Variants in KAT5 observed in about 807,000 individuals in gnomAD.
The protein encoded by KAT5 is histone acetyltransferase KAT5.
A neutral mutation model predicts 68.1 loss-of-function variants in KAT5; 31 were observed. The ratio of observed to expected loss-of-function variants is 0.46; its 90% CI spans 0.34 to 0.61. The LOEUF is 0.61. Among genes scored for constraint, KAT5 ranks in the 20% least tolerant of loss-of-function variants. The probability of loss-of-function intolerance (pLI) is 0.01; values close to 1 mark genes in which losing one functional copy is unlikely to be tolerated. For synonymous variants in KAT5, 365 were observed against 292.6 expected (o/e 1.25, Z -2.52); for missense variants, 451 against 725.5 (o/e 0.62, Z 4.35).
In KAT5 at chr11:65,719,108, A is replaced by C. The variant is rs1332750183; in HGVS notation, c.1568A>C (p.Lys523Thr). 6.2e-7 allele frequency: 1 copy of C among 1,614,190 alleles called. No individual in the cohort carries two copies. The highest frequency in any genetic ancestry group is 2.2e-5 in the East Asian group (1 of 44,882). The change falls in exon 13 of 13, where the codon AAG becomes ACG. Residue 523 changes from lysine (K) to threonine (T), a missense_variant. Around this residue, in one of 4 missense-constraint regions of KAT5, gnomAD observed 210 missense variants for 423.7 expected, o/e 0.50. Transcript: ENST00000341318. ...IVDGHERAML[K>T]RLLRIDSKCL... The stretch of plus-strand genomic sequence containing the variant: ...GATGGCCATGAGCGGGCCATGCTCA[A>C]GCGGCTCCTGCGGATCGACTCCAAG...
intron 3 of KAT5, 21 bp downstream of exon 3, chr11:65,713,079 A>G (rs1032189644): frequency 6.2e-7 from 1 of 1,611,696 alleles, no homozygotes; most frequent in East Asian, 2.2e-5. Flanking sequence ...CCCCCACTTC[A>G]CCTTTTCTCT....
chr11:65,717,116 T>C, intron 10 of KAT5, 134 bp downstream of exon 10: 1 of 706,154 alleles, frequency 1.4e-6, no homozygotes, highest in Non-Finnish European at 2.5e-6. Context: ...GAAATAACAG[T>C]GGCACTCTCC....
intron 3 of KAT5, 42 bp from the exon 4 acceptor site, chr11:65,713,306 C>T (rs751266490): frequency 2.5e-6 from 4 of 1,598,544 alleles, no homozygotes; most frequent in Non-Finnish European, 3.4e-6. Context: ...CATCCCACTG[C>T]CATCCCCGCC....
chr11:65,716,270 A>G (rs1160445771), intron 8 of KAT5: 2 of 189,624 alleles, frequency 1.1e-5, no homozygotes, highest in African/African-American at 4.7e-5. Flanking sequence ...CAGTGGTCAG[A>G]GTCTCACTTT....
chr11:65,717,187 A>C (rs979871691), intron 10 of KAT5: 16 of 597,838 alleles, frequency 2.7e-5, no homozygotes, highest in Non-Finnish European at 4.5e-5. Flanking sequence ...TCAGCCCCCC[A>C]GTTTGCTCCT....
chr11:65,719,319 G>T lies in KAT5; in HGVS notation c.*138G>T. On this transcript the variant is annotated 3_prime_UTR_variant, in exon 13 of 13. Transcript: ENST00000341318. The stretch of plus-strand genomic sequence containing the variant: ...GCTCAAAAAGGAGAGGACAGGCCTG[G>T]CAGGGGCCCACTGGTGCCCAGCACC... 2.7e-6 allele frequency: 3 copies of T among 1,094,566 alleles called. No homozygotes were observed. The highest frequency in any genetic ancestry group is 2.6e-6 in the Non-Finnish European group (2 of 781,942). 67.8% of individuals were successfully genotyped at this position (1,094,566 alleles called of 1,614,324 possible).
chr11:65,714,388 C>G, intron 6 of KAT5, 107 bp from the exon 7 acceptor site: 2 of 1,309,940 alleles, frequency 1.5e-6, no homozygotes, highest in Non-Finnish European at 2.1e-6. Flanking sequence ...GTACCTCCCC[C>G]TTAGGGTTGC....
In KAT5 at chr11:65,717,686, G is replaced by A. The variant is rs4645934; in HGVS notation, c.1264+704G>A. On this transcript the variant is annotated intron_variant, in intron 10 of 12. Coordinates refer to ENST00000341318, the MANE Select transcript of KAT5 (RefSeq NM_182710.3). ...ACCTGATCAAGGTTATGGTCCATTC[G>A]AGAAATTTTATTGGTTAAATGATGC... 4,692 of 152,830 alleles carry A rather than the reference G, an allele frequency of 0.031. 98 individuals are homozygous for A. The highest frequency in any genetic ancestry group is 0.046 in the Non-Finnish European group (3,184 of 68,498). The allele number at this position is 152,830 out of a possible 1,614,324, so 9.5% of individuals were successfully genotyped here. A position where few individuals can be genotyped will look rare whatever the true frequency, so the allele number is the denominator to read the frequency against.
chr11:65,716,431 G>A (rs1249197105), intron 8 of KAT5: 2 of 553,400 alleles, frequency 3.6e-6, no homozygotes, highest in Middle Eastern at 4.8e-4. Context: ...TTGCCTGACT[G>A]AGCAGGGAGG....
intron 6 of KAT5, 100 bp downstream of exon 6, chr11:65,713,948 GGT>G: frequency 9.2e-7 from 1 of 1,087,504 alleles, no homozygotes; most frequent in Non-Finnish European, 1.4e-6. Context: ...AAGAAGGGGT[GGT>G]GGGCAGAGCT....
At position 65,718,681 on chromosome 11, in the gene KAT5, C is replaced by G; in HGVS notation, c.1356C>G (p.Ser452=). The G allele has an allele frequency of 6.2e-7, 1 of 1,614,148 alleles. No individual in the cohort carries two copies. Among genetic ancestry groups the G allele is most frequent in the Non-Finnish European group, 8.5e-7 (1 of 1,180,028 alleles). Reference sequence around the variant, plus strand: ...TCCTATCCTATCGAAGCTACTGGTCCCAGACCATCCTGGAGATCCTGATGG... The same window carrying G: ...TCCTATCCTATCGAAGCTACTGGTCGCAGACCATCCTGGAGATCCTGATGG... The part of the protein sequence containing the change: ...LGLLSYRSYW[S]QTILEILMGL... The change falls in exon 11 of 13, where the codon TCC becomes TCG. Residue 452 remains serine (S), a synonymous_variant. Transcript: ENST00000341318.
chr11:65,719,490 T>C lies in KAT5; in HGVS notation c.*309T>C, dbSNP rs1857324449. 5 of 607,396 alleles carry C rather than the reference T, an allele frequency of 8.2e-6. No individual in the cohort carries two copies. The East Asian group carries it at 8.3e-5, about 10-fold the overall frequency. 37.6% of individuals were successfully genotyped at this position (607,396 alleles called of 1,614,324 possible). On this transcript the variant is annotated 3_prime_UTR_variant, in exon 13 of 13. Coordinates refer to ENST00000341318, the MANE Select transcript of KAT5 (RefSeq NM_182710.3). ...GGAGCTCTGTACAGAGGGCTGGTGA[T>C]TGTAAAAATTTCTTTTGTAAAGTAG... is the stretch of plus-strand genomic sequence containing the variant.
chr11:65,716,999 C>A lies in KAT5; in HGVS notation c.1264+17C>A. 2 of 1,590,542 alleles carry A rather than the reference C, an allele frequency of 1.3e-6. No homozygotes were observed. The highest frequency in any genetic ancestry group is 1.3e-5 in the African/African-American group (1 of 74,494). Reference sequence around the variant, plus strand: ...TCGAGTTCAGTGAGTATGTGTGCTGCGGCCAGGGGGTAGTGGACCCACTAT... The same window carrying A: ...TCGAGTTCAGTGAGTATGTGTGCTGAGGCCAGGGGGTAGTGGACCCACTAT... On this transcript the variant is annotated intron_variant, in intron 10 of 12. Transcript: ENST00000341318.
At position 65,712,383 on chromosome 11, in the gene KAT5, A is replaced by T; in HGVS notation, c.116A>T (p.Glu39Val). ...GGCGTCGCGCTGTCTCCCCAGGGGG[A>T]GATAATCGAGGGCTGCCGCCTACCC... ...DPGVALSPQGEIIEGCRLPVL... is the reference protein window; with the variant it reads ...DPGVALSPQGVIIEGCRLPVL... Residue 39 changes from glutamate to valine, a missense_variant, in exon 1 of 13, where the codon GAG becomes GTG. Glu to Val is a moderately radical substitution (Grantham distance 121, BLOSUM62 -2). Around this residue, in one of 4 missense-constraint regions of KAT5, gnomAD observed 104 missense variants for 107.3 expected, o/e 0.97. Coordinates refer to ENST00000341318, the MANE Select transcript of KAT5 (RefSeq NM_182710.3). 3 of 1,577,434 alleles carry T rather than the reference A, an allele frequency of 1.9e-6. No individual in the cohort carries two copies. The highest frequency in any genetic ancestry group is 2.6e-6 in the Non-Finnish European group (3 of 1,169,476).
Position 65,712,968 on chromosome 11 carries a change from A to G in KAT5, c.294A>G (p.Leu98=). Residue 98 remains leucine, a synonymous_variant, in exon 3 of 13, where the codon CTA becomes CTG. Coordinates refer to ENST00000341318, the MANE Select transcript of KAT5 (RefSeq NM_182710.3). ...DEWVTHERLD[L]KKIQFPKKEA... ...GGGTGACGCATGAGCGGCTGGACCT[A>G]AAGAAGATCCAGTTCCCCAAGAAAG... 6.2e-7 allele frequency: 1 copy of G among 1,614,132 alleles called. No individual in the cohort carries two copies.
rs759504006 is a variant in KAT5, at chr11:65,714,814, T to C, written c.940-7T>C. ...GCCCTTGTTCCTGATCCTCCTCTCT[T>C]CCCCAGACCAAGTGTGACCTACGAC... On this transcript the variant is annotated splice_region_variant and splice_polypyrimidine_tract_variant and intron_variant, in intron 7 of 12. Coordinates refer to ENST00000341318, the MANE Select transcript of KAT5 (RefSeq NM_182710.3). The C allele has an allele frequency of 5.6e-6, 9 of 1,613,970 alleles. No homozygotes were observed. The South Asian group carries it at 9.9e-5, about 18-fold the overall frequency.
chr11:65,712,908 C>T lies in KAT5; in HGVS notation c.248-14C>T, dbSNP rs1857071106. Reference sequence around the variant, plus strand: ...TCTTTGGCATTCTGTCCTGAGCCATCCCCACTGCTACAGTCAACAAACGTC... The same window carrying T: ...TCTTTGGCATTCTGTCCTGAGCCATTCCCACTGCTACAGTCAACAAACGTC... On this transcript the variant is annotated splice_polypyrimidine_tract_variant and intron_variant, in intron 2 of 12. Coordinates refer to ENST00000341318, the MANE Select transcript of KAT5 (RefSeq NM_182710.3). 6.2e-7 allele frequency: 1 copy of T among 1,614,026 alleles called. No homozygotes were observed. Among genetic ancestry groups the T allele is most frequent in the African/African-American group, 1.3e-5 (1 of 74,890 alleles).
chr11:65,713,207 C>T, intron 3 of KAT5, 141 bp from the exon 4 acceptor site: 1 of 1,311,452 alleles, frequency 7.6e-7, no homozygotes, highest in Non-Finnish European at 1.1e-6. Flanking sequence ...ACATGTAGCT[C>T]CCAGAGTCCA....
Position 65,713,054 on chromosome 11 carries a change from A to G in KAT5, c.380A>G (p.Glu127Gly). The G allele has an allele frequency of 6.2e-7, 1 of 1,612,794 alleles. No individual in the cohort carries two copies. The highest frequency in any genetic ancestry group is 8.5e-7 in the Non-Finnish European group (1 of 1,179,976). Residue 127 changes from glutamate (E) to glycine (G), a missense_variant, in exon 3 of 13, where the codon GAG becomes GGG. Around this residue, in one of 4 missense-constraint regions of KAT5, gnomAD observed 135 missense variants for 173.4 expected, o/e 0.78. Transcript: ENST00000341318. ...TCCCGTCCTGGCTCTCCAGAGAGAGAGGTGGTGAGTAGGTCCCCCACTTCA... is the reference window on the plus strand; with the variant it reads ...TCCCGTCCTGGCTCTCCAGAGAGAGGGGTGGTGAGTAGGTCCCCCACTTCA... ...PGSRPGSPER[E>G]VPASAQASGK...
Sources: allele counts gnomAD v4.1 joint callset, GRCh38; gene constraint gnomAD v4.1.1; regional missense constraint gnomAD v4.1.1; transcripts MANE v1.5; gene names NCBI Gene and HGNC (gene_info 2026-07-23, HGNC 2026-07-21).